The following KCNQ1OT1 variants were observed in gnomAD, a reference collection of about 807,000 sequenced individuals.
The protein encoded by KCNQ1OT1 is KCNQ1 opposite strand/antisense transcript 1, also known as KCNQ1 antisense RNA 2 (non-protein coding).
chr11:2,619,466 T>C (rs971314932), exon 1 of KCNQ1OT1: 2 of 398,526 alleles, frequency 5.0e-6, no homozygotes, highest in Non-Finnish European at 8.8e-6. Context: ...TAGTATCACA[T>C]TGATTGCTAC....
exon 1 of KCNQ1OT1, chr11:2,694,186 AG>A: frequency 2.5e-6 from 1 of 398,674 alleles, no homozygotes; most frequent in African/African-American, 2.1e-5. Context: ...GGCCTGGGCC[AG>A]GGTCTTTCTC....
chr11:2,665,958 A>C (rs1161251217), exon 1 of KCNQ1OT1: 1 of 398,376 alleles, frequency 2.5e-6, no homozygotes. Flanking sequence ...CCTCCCTCAC[A>C]CTGCATCCCC....
At position 2,679,488 on chromosome 11, in the gene KCNQ1OT1, T is replaced by C; in HGVS notation, n.20507A>G. On this transcript the variant is annotated non_coding_transcript_exon_variant, in exon 1 of 1. Coordinates refer to ENST00000597346, the Ensembl canonical transcript of KCNQ1OT1. This position sits in a 1 kb window ranked among gnomAD's most constrained non-coding sequence, Gnocchi z 4.8. ...AGTATGCAGAAAAGTGCCTGTCCTA[T>C]AGTAGTGACACAGTGTTACTTAAAT... 2.5e-6 allele frequency: 1 copy of C among 398,642 alleles called. No individual in the cohort carries two copies. The allele number at this position is 398,642 out of a possible 1,614,324, so 24.7% of individuals were successfully genotyped here.
At chr11:2,696,008 G>C (rs1201200145) in exon 1 of KCNQ1OT1, 5 of 398,474 alleles carry the variant, frequency 1.3e-5, no homozygotes, top group Non-Finnish European at 2.2e-5. Context: ...TTACATTCAT[G>C]AGTGTAAAAG....
chr11:2,676,547 A>C lies in KCNQ1OT1; in HGVS notation n.23448T>G. 2.5e-6 allele frequency: 1 copy of C among 398,660 alleles called. No individual in the cohort carries two copies. Among genetic ancestry groups the C allele is most frequent in the Non-Finnish European group, 4.4e-6 (1 of 226,074 alleles). The allele number at this position is 398,660 out of a possible 1,614,324, so 24.7% of individuals were successfully genotyped here. Reference sequence around the variant, plus strand: ...AGGCATAGAGGTAGTGGTACAGGAAAGGTCTAAGAAGGCTAAGGACCATCA... The same window carrying C: ...AGGCATAGAGGTAGTGGTACAGGAACGGTCTAAGAAGGCTAAGGACCATCA... On this transcript the variant is annotated non_coding_transcript_exon_variant, in exon 1 of 1. Coordinates refer to ENST00000597346, the Ensembl canonical transcript of KCNQ1OT1. This position sits in a 1 kb window ranked among gnomAD's most constrained non-coding sequence, Gnocchi z 4.2.
Position 2,659,461 on chromosome 11 carries a change from G to T in KCNQ1OT1, n.40534C>A. On this transcript the variant is annotated non_coding_transcript_exon_variant, in exon 1 of 1. Coordinates refer to ENST00000597346, the Ensembl canonical transcript of KCNQ1OT1. The surrounding 1 kb of genome is among the most constrained non-coding windows in gnomAD (Gnocchi z 4.3). ...GTTAATTTCTTTTTATTGCTGGGTG[G>T]TATTCCATTGCATGAATATATACAT... The T allele has an allele frequency of 2.5e-6, 1 of 398,520 alleles. No homozygotes were observed. The highest frequency in any genetic ancestry group is 4.4e-6 in the Non-Finnish European group (1 of 226,022). The allele number at this position is 398,520 out of a possible 1,614,324, so 24.7% of individuals were successfully genotyped here. A position where few individuals can be genotyped will look rare whatever the true frequency, so the allele number is the denominator to read the frequency against.
chr11:2,664,810 TC>T lies in KCNQ1OT1; in HGVS notation n.35184del, dbSNP rs1850034960. On this transcript the variant is annotated non_coding_transcript_exon_variant, in exon 1 of 1. Transcript: ENST00000597346. This position sits in a 1 kb window ranked among gnomAD's most constrained non-coding sequence, Gnocchi z 5.1. ...AGTTACCAAAAAACATTTCCATTTT[TC>T]TTCAGCATTCTACTGATGTTAAATG... 2.5e-6 allele frequency: 1 copy of T among 398,562 alleles called. No homozygotes were observed. Among genetic ancestry groups the T allele is most frequent in the Non-Finnish European group, 4.4e-6 (1 of 226,128 alleles). 24.7% of individuals were successfully genotyped at this position (398,562 alleles called of 1,614,324 possible).
exon 1 of KCNQ1OT1, chr11:2,630,046 C>T: frequency 2.5e-6 from 1 of 397,952 alleles, no homozygotes; most frequent in Non-Finnish European, 4.4e-6. Flanking sequence ...ATGATGTTAG[C>T]TGTGGGCTAT....
At position 2,683,418 on chromosome 11, in the gene KCNQ1OT1, C is replaced by T. The variant is rs1850431289; in HGVS notation, n.16577G>A. ...TGGTTTGTCCAATGGCTAAGCTTTCCCCAGGAATGGGTAACTGGAAAAATG... is the reference window on the plus strand; with the variant it reads ...TGGTTTGTCCAATGGCTAAGCTTTCTCCAGGAATGGGTAACTGGAAAAATG... On this transcript the variant is annotated non_coding_transcript_exon_variant, in exon 1 of 1. Transcript: ENST00000597346. The surrounding 1 kb of genome is among the most constrained non-coding windows in gnomAD (Gnocchi z 4.7). 1 of 398,470 alleles carries T rather than the reference C, an allele frequency of 2.5e-6. No homozygotes were observed. The highest frequency in any genetic ancestry group is 2.1e-5 in the African/African-American group (1 of 48,604). The allele number at this position is 398,470 out of a possible 1,614,324, so 24.7% of individuals were successfully genotyped here. A position where few individuals can be genotyped will look rare whatever the true frequency, so the allele number is the denominator to read the frequency against.
exon 1 of KCNQ1OT1, chr11:2,660,078 G>T (rs967775354): frequency 5.0e-6 from 2 of 398,182 alleles, no homozygotes; most frequent in African/African-American, 4.1e-5. Flanking sequence ...TTTCTCTTAC[G>T]AGTTAAACTT....
At chr11:2,631,334 G>A (rs1191945727) in exon 1 of KCNQ1OT1, 1 of 398,100 alleles carries the variant, frequency 2.5e-6, no homozygotes, top group African/African-American at 2.1e-5. Context: ...TCCAGTTGAT[G>A]AATTCCTCCT....
At chr11:2,631,431 T>A in exon 1 of KCNQ1OT1, 3 of 398,612 alleles carry the variant, frequency 7.5e-6, no homozygotes, top group Non-Finnish European at 1.3e-5. Flanking sequence ...TGTTTGTTTT[T>A]TTTTTAGGAT....
At chr11:2,619,995 A>G in exon 1 of KCNQ1OT1, 1 of 398,178 alleles carries the variant, frequency 2.5e-6, no homozygotes, top group Non-Finnish European at 4.4e-6. Flanking sequence ...CCCAATAGGT[A>G]GGTTTTCAGC....
In KCNQ1OT1 at chr11:2,611,430, T is replaced by C; in HGVS notation, n.88565A>G. On this transcript the variant is annotated non_coding_transcript_exon_variant, in exon 1 of 1. Coordinates refer to ENST00000597346, the Ensembl canonical transcript of KCNQ1OT1. The surrounding 1 kb of genome is among the most constrained non-coding windows in gnomAD (Gnocchi z 5.3). ...TTTCACCATGTTGACCAGGCTGGTC[T>C]TGAACTCCTGACCTCGAGTGATCTG... 2.5e-6 allele frequency: 1 copy of C among 397,750 alleles called. No homozygotes were observed. Among genetic ancestry groups the C allele is most frequent in the Non-Finnish European group, 4.4e-6 (1 of 226,066 alleles). 24.6% of individuals were successfully genotyped at this position (397,750 alleles called of 1,614,324 possible).
exon 1 of KCNQ1OT1, chr11:2,643,582 G>C (rs1418580495): frequency 5.0e-6 from 2 of 398,260 alleles, no homozygotes; most frequent in African/African-American, 4.1e-5. Context: ...CATTTAGATG[G>C]GTCATGTTTT....
exon 1 of KCNQ1OT1, chr11:2,696,348 A>T (rs571256231): frequency 2.5e-6 from 1 of 398,562 alleles, no homozygotes; most frequent in African/African-American, 2.1e-5. Context: ...TTCCAACATC[A>T]TCTTCTGAAC....
exon 1 of KCNQ1OT1, chr11:2,644,946 G>T (rs1263491741): frequency 2.5e-6 from 1 of 398,562 alleles, no homozygotes; most frequent in East Asian, 3.6e-5. Context: ...AGCAGTGGCT[G>T]GCCCCGAATG....
In KCNQ1OT1 at chr11:2,642,494, G is replaced by C. The variant is rs1849594916; in HGVS notation, n.57501C>G. ...ATCAGACTGAAGAGTTTTGATTTTT[G>C]TATTTCATGGTATGAGTTGTAATAT... On this transcript the variant is annotated non_coding_transcript_exon_variant, in exon 1 of 1. Coordinates refer to ENST00000597346, the Ensembl canonical transcript of KCNQ1OT1. This position sits in a 1 kb window ranked among gnomAD's most constrained non-coding sequence, Gnocchi z 4.3. The C allele has an allele frequency of 2.5e-6, 1 of 397,874 alleles. No individual in the cohort carries two copies. Among genetic ancestry groups the C allele is most frequent in the Middle Eastern group, 6.3e-4 (1 of 1,580 alleles). 24.6% of individuals were successfully genotyped at this position (397,874 alleles called of 1,614,324 possible).
chr11:2,676,468 C>T lies in KCNQ1OT1; in HGVS notation n.23527G>A. ...CTCACTGTTCTGCTCAGATTGTTAG[C>T]TGTAGTCTTTCTGGCATCAGTTCCA... On this transcript the variant is annotated non_coding_transcript_exon_variant, in exon 1 of 1. Transcript: ENST00000597346. The surrounding 1 kb of genome is among the most constrained non-coding windows in gnomAD (Gnocchi z 4.2). The T allele has an allele frequency of 2.5e-6, 1 of 398,676 alleles. No individual in the cohort carries two copies. The highest frequency in any genetic ancestry group is 4.4e-6 in the Non-Finnish European group (1 of 226,108). The allele number at this position is 398,676 out of a possible 1,614,324, so 24.7% of individuals were successfully genotyped here. A position where few individuals can be genotyped will look rare whatever the true frequency, so the allele number is the denominator to read the frequency against.
Sources: gnomAD v4.1 joint callset for allele counts on GRCh38, gnomAD v4.1.1 for gene constraint, Gnocchi (gnomAD v3.1) non-coding constraint, MANE v1.5 for transcripts, NCBI Gene and HGNC (gene_info 2026-07-23, HGNC 2026-07-21) for gene names.